The following RCAN2 variants were observed in gnomAD, a reference collection of about 807,000 sequenced individuals.
RCAN2 encodes calcipressin-2.
RCAN2 carries 9 observed loss-of-function variants against 23.6 expected under a neutral mutation model. The ratio of observed to expected loss-of-function variants is 0.38; its 90% CI spans 0.23 to 0.67. RCAN2 has a LOEUF of 0.67. Ranked by LOEUF, RCAN2 falls within the 30% of genes least tolerant of loss-of-function variation. The pLI is 0.51. For missense variants in RCAN2, 273 were observed against 302.3 expected, an observed-to-expected ratio of 0.90 and a Z score of 0.72; for synonymous variants, 109 against 115.7, an observed-to-expected ratio of 0.94 and a Z score of 0.37.
chr6:46,448,789 T>A (rs925629822), intron 2 of RCAN2, among the ~76,000 whole-genome samples: 2 of 151,838 alleles, frequency 1.3e-5, no homozygotes, highest in African/African-American at 2.4e-5. Flanking sequence ...TCTTTCACAA[T>A]AAAAATTCTC....
intron 4 of RCAN2, among the ~76,000 whole-genome samples, chr6:46,240,472 A>G (rs1766265577): frequency 6.6e-6 from 1 of 152,124 alleles, no homozygotes; most frequent in Non-Finnish European, 1.5e-5. Context: ...TCCAGGGACA[A>G]TTCTTTCAAA....
intron 2 of RCAN2, among the ~76,000 whole-genome samples, chr6:46,306,536 T>G (rs1400662618): frequency 5.9e-5 from 9 of 152,180 alleles, no homozygotes; most frequent in Non-Finnish European, 1.3e-4. Flanking sequence ...TGGTGACATT[T>G]ACATCACATA....
intron 2 of RCAN2, among the ~76,000 whole-genome samples, chr6:46,300,194 A>G (rs902739470): frequency 1.3e-5 from 2 of 151,978 alleles, no homozygotes; most frequent in African/African-American, 4.8e-5. Flanking sequence ...GAAAATATAG[A>G]CTTTAATCCA....
chr6:46,360,803 G>A (rs1764989264), intron 2 of RCAN2, among the ~76,000 whole-genome samples: 1 of 152,130 alleles, frequency 6.6e-6, no homozygotes, highest in Non-Finnish European at 1.5e-5. Context: ...TGCTATAGTG[G>A]GAAGTAATCT....
intron 2 of RCAN2, among the ~76,000 whole-genome samples, chr6:46,321,837 G>A (rs1435084728): frequency 6.6e-6 from 1 of 152,218 alleles, no homozygotes; most frequent in Non-Finnish European, 1.5e-5. Flanking sequence ...CAGAGATACC[G>A]TTTTTAAAAC....
chr6:46,259,078 C>G (rs1767022637), intron 2 of RCAN2, among the ~76,000 whole-genome samples: 1 of 152,002 alleles, frequency 6.6e-6, no homozygotes, highest in Admixed American at 6.6e-5. Flanking sequence ...CTCAGCCACT[C>G]TGGAGGCTGA....
intron 2 of RCAN2, among the ~76,000 whole-genome samples, chr6:46,402,615 C>T (rs1018231470): frequency 3.9e-5 from 6 of 152,138 alleles, no homozygotes; most frequent in Non-Finnish European, 5.9e-5. Context: ...AGGGTCCTGC[C>T]GCACACCCAG....
At chr6:46,479,675 C>T (rs562595046) in intron 1 of RCAN2, among the ~76,000 whole-genome samples, 9 of 149,812 alleles carry the variant, frequency 6.0e-5, no homozygotes, top group Non-Finnish European at 1.0e-4. Context: ...CTCTGCCTCC[C>T]GGGTTCAAGC....
intron 1 of RCAN2, among the ~76,000 whole-genome samples, chr6:46,458,885 A>ACGCGCGCGCGCGCGCG (rs57258359): frequency 3.4e-5 from 5 of 148,056 alleles, no homozygotes; most frequent in African/African-American, 1.3e-4. Context: ...TTACAGGAAA[A>ACGCGCGCGCGCGCGCG]CGCGCGCGCA....
intron 2 of RCAN2, among the ~76,000 whole-genome samples, chr6:46,451,833 C>T (rs1316754988): frequency 2.0e-5 from 3 of 152,182 alleles, no homozygotes; most frequent in Non-Finnish European, 2.9e-5. Context: ...AGAGCCAGGT[C>T]TTTCACCACA....
rs1240727422 is a variant in RCAN2, at chr6:46,263,460, T to C, written c.226-14564A>G. ...GTAATGTGTCATCAGAGAGTGTGTG[T>C]GTGTGTGTGTGTGTATGTGTGTGTG... On this transcript the variant is annotated intron_variant, in intron 2 of 4. Coordinates refer to ENST00000371374, the MANE Select transcript of RCAN2 (RefSeq NM_001251974.2). 5.6e-5 allele frequency among the ~76,000 whole-genome samples: 4 copies of C among 71,808 alleles called. No individual in the cohort carries two copies. The East Asian group carries it at 1.1e-3, about 19-fold the overall frequency. The allele number at this position is 71,808 out of a possible 152,430, so 47.1% of individuals were successfully genotyped here.
chr6:46,388,934 G>T (rs986021963), intron 2 of RCAN2, among the ~76,000 whole-genome samples: 2 of 152,110 alleles, frequency 1.3e-5, no homozygotes, highest in Non-Finnish European at 2.9e-5. Flanking sequence ...TGCACGTACT[G>T]CACGTGTATC....
At chr6:46,418,467 C>A (rs1345382269) in intron 2 of RCAN2, among the ~76,000 whole-genome samples, 1 of 151,866 alleles carries the variant, frequency 6.6e-6, no homozygotes, top group African/African-American at 2.4e-5. Flanking sequence ...CCCCTCCTTA[C>A]AATCAGTGCC....
chr6:46,490,707 C>G (rs1484343147), intron 1 of RCAN2, among the ~76,000 whole-genome samples: 1 of 152,198 alleles, frequency 6.6e-6, no homozygotes, highest in African/African-American at 2.4e-5. Flanking sequence ...TACCCCCTCC[C>G]CAGCCTCTGC....
chr6:46,222,416 G>C lies in RCAN2; in HGVS notation c.*725C>G, dbSNP rs1765507979. 1 of 155,022 alleles carries C rather than the reference G, an allele frequency of 6.5e-6. No individual in the cohort carries two copies. The highest frequency in any genetic ancestry group is 6.5e-5 in the Admixed American group (1 of 15,364). 9.6% of individuals were successfully genotyped at this position (155,022 alleles called of 1,614,324 possible). ...ACCCTGGACAAGCCTCCCCAACGAG[G>C]CTGGGAGAGTTCTACAGGGGAGTGG... On this transcript the variant is annotated 3_prime_UTR_variant, in exon 5 of 5. Transcript: ENST00000371374.
chr6:46,234,327 G>A (rs1003182163), intron 4 of RCAN2, among the ~76,000 whole-genome samples: 1 of 152,186 alleles, frequency 6.6e-6, no homozygotes, highest in Non-Finnish European at 1.5e-5. Flanking sequence ...AAAAGAAATA[G>A]CTTTGGTCTT....
intron 2 of RCAN2, among the ~76,000 whole-genome samples, chr6:46,399,168 T>C (rs1196262882): frequency 6.6e-6 from 1 of 151,962 alleles, no homozygotes; most frequent in South Asian, 2.1e-4. Flanking sequence ...TAAAATGTCA[T>C]TTAATCTCAT....
chr6:46,247,613 T>C (rs1418091035), intron 3 of RCAN2, among the ~76,000 whole-genome samples: 2 of 152,250 alleles, frequency 1.3e-5, no homozygotes, highest in African/African-American at 4.8e-5. Context: ...TGTGACCTTT[T>C]GTGTCTGGCT....
chr6:46,455,142 T>C (rs954608468), intron 2 of RCAN2, among the ~76,000 whole-genome samples: 1 of 152,248 alleles, frequency 6.6e-6, no homozygotes, highest in Admixed American at 6.5e-5. Context: ...AAAATTATCA[T>C]TTGTGATAAT....
Sources: allele counts gnomAD v4.1 joint callset (sites outside exome capture counted in the v4.1 genomes callset), GRCh38; gene constraint gnomAD v4.1.1; transcripts MANE v1.5; gene names NCBI Gene and HGNC (gene_info 2026-07-23, HGNC 2026-07-21).